The following PRKDC variants were observed in gnomAD, a reference collection of about 807,000 sequenced individuals.
PRKDC encodes DNA-dependent protein kinase catalytic subunit.
In PRKDC, 82 loss-of-function variants were observed where a neutral mutation model predicts 486.9. The observed-to-expected ratio is 0.17, with a 90% CI of 0.14 to 0.20. The LOEUF (loss-of-function observed/expected upper bound fraction) is 0.20, where lower values mean the gene tolerates loss of function less well. PRKDC is among the 10% of genes least tolerant of loss of function. PRKDC has a pLI of 1.00. For missense variants in PRKDC, 4,504 were observed against 5,038.2 expected (o/e 0.89, Z 3.21); for synonymous variants, 1,895 against 1,837.0 (o/e 1.03, Z -0.81).
At chr8:47,778,232 C>T (rs762926635) in intron 83 of PRKDC, among the ~76,000 whole-genome samples, 38 of 152,180 alleles carry the variant, frequency 2.5e-4, no homozygotes, top group Non-Finnish European at 4.3e-4. Context: ...GATCTGCGAA[C>T]ACATTTAATT....
chr8:47,796,761 G>A (rs1387647742), intron 73 of PRKDC, among the ~76,000 whole-genome samples: 2 of 148,508 alleles, frequency 1.3e-5, no homozygotes, highest in Non-Finnish European at 1.5e-5. Context: ...CACCACGCCC[G>A]GCTAATTTTT....
At chr8:47,777,029 T>G in intron 84 of PRKDC, 46 bp from the exon 85 acceptor site, 1 of 1,578,004 alleles carries the variant, frequency 6.3e-7, no homozygotes, top group Non-Finnish European at 8.6e-7. Flanking sequence ...TAATGGTATA[T>G]ACAATCATGC....
chr8:47,927,139 G>T (rs1489471577), intron 21 of PRKDC, 55 bp downstream of exon 21: 7 of 1,538,252 alleles, frequency 4.6e-6, no homozygotes, highest in Non-Finnish European at 6.2e-6. Context: ...ACCTATTATA[G>T]TTACTCCATT....
At chr8:47,863,321 ACT>A (rs1325275237) in intron 42 of PRKDC, 76 bp downstream of exon 42, 1 of 1,205,646 alleles carries the variant, frequency 8.3e-7, no homozygotes, top group East Asian at 2.5e-5. Flanking sequence ...ATTTATTCAC[ACT>A]ATATACATAC....
chr8:47,897,077 C>A, intron 30 of PRKDC, 84 bp downstream of exon 30: 2 of 1,367,836 alleles, frequency 1.5e-6, no homozygotes, highest in Non-Finnish European at 2.0e-6. Context: ...TGCAATGATA[C>A]CCAATTACTC....
At chr8:47,889,475 C>A (rs1164173525) in intron 32 of PRKDC, among the ~76,000 whole-genome samples, 1 of 152,248 alleles carries the variant, frequency 6.6e-6, no homozygotes, top group Admixed American at 6.5e-5. Flanking sequence ...TCCTATTTAG[C>A]TTTATCTACG....
rs1192107780 is a variant in PRKDC, at chr8:47,803,469, T to C, written c.9759A>G (p.Ser3253=). 1.5e-5 allele frequency: 24 copies of C among 1,613,824 alleles called. No homozygotes were observed. The highest frequency in any genetic ancestry group is 1.9e-5 in the Non-Finnish European group (23 of 1,179,792). Reference sequence around the variant, plus strand: ...GCTCCTTCAGTAGTTTCATAGCAAGTGAGAAATTGTTCTGTATGAATACAA... The same window carrying C: ...GCTCCTTCAGTAGTTTCATAGCAAGCGAGAAATTGTTCTGTATGAATACAA... ...IDSARKQNNF[S]LAMKLLKELH... The change falls in exon 70 of 86, where the codon TCA becomes TCG. Residue 3253 remains serine (S), a synonymous_variant. Transcript: ENST00000314191.
intron 76 of PRKDC, 62 bp from the exon 77 acceptor site, chr8:47,785,379 T>C (rs2086773788): frequency 3.2e-6 from 4 of 1,234,312 alleles, no homozygotes; most frequent in South Asian, 1.4e-5. Context: ...GAAAAGGCTC[T>C]AAGCTTATAA....
chr8:47,927,149 T>C (rs900384007), intron 21 of PRKDC, 45 bp downstream of exon 21: 4 of 1,574,394 alleles, frequency 2.5e-6, no homozygotes, highest in Non-Finnish European at 3.5e-6. Context: ...GTTACTCCAT[T>C]TCCATTTTAA....
intron 25 of PRKDC, 105 bp downstream of exon 25, chr8:47,912,305 T>C: frequency 3.9e-6 from 5 of 1,277,340 alleles, no homozygotes. Flanking sequence ...GGGAGCAGTA[T>C]CGTTCCTAAC....
chr8:47,956,070 A>C (rs1414077473), intron 3 of PRKDC, 122 bp from the exon 4 acceptor site: 1 of 746,770 alleles, frequency 1.3e-6, no homozygotes, highest in African/African-American at 1.8e-5. Flanking sequence ...GCTGTGGAAA[A>C]TATAACATTA....
In PRKDC at chr8:47,933,026, T is replaced by C; in HGVS notation, c.1770A>G (p.Glu590=). Residue 590 remains glutamate (E), a synonymous_variant, in exon 16 of 86, where the codon GAA becomes GAG. Coordinates refer to ENST00000314191, the MANE Select transcript of PRKDC (RefSeq NM_006904.7). Reference sequence around the variant, plus strand: ...ACTGATAAAAATTTCTAACCTCTTGTTCCCCAACAGTCTGTATTTCAAGTG... The same window carrying C: ...ACTGATAAAAATTTCTAACCTCTTGCTCCCCAACAGTCTGTATTTCAAGTG... ...DLTLEIQTVG[E]QENGDEAPGV... 1.3e-6 allele frequency: 2 copies of C among 1,587,232 alleles called. No homozygotes were observed. The highest frequency in any genetic ancestry group is 1.7e-6 in the Non-Finnish European group (2 of 1,170,922).
chr8:47,886,791 G>A (rs555000695), intron 35 of PRKDC, among the ~76,000 whole-genome samples: 8 of 152,088 alleles, frequency 5.3e-5, no homozygotes, highest in South Asian at 4.2e-4. Flanking sequence ...GGGCTCAAGC[G>A]ATCTTCCCAC....
chr8:47,904,747 C>T (rs1456690765), intron 26 of PRKDC, 122 bp downstream of exon 26: 8 of 685,476 alleles, frequency 1.2e-5, no homozygotes, highest in African/African-American at 1.8e-5. Context: ...GAGCCAAGAT[C>T]GTGCCACTGC....
intron 26 of PRKDC, among the ~76,000 whole-genome samples, chr8:47,904,197 A>C (rs925276749): frequency 1.3e-5 from 2 of 151,500 alleles, no homozygotes; most frequent in South Asian, 2.1e-4. Flanking sequence ...TGCTGTTTCC[A>C]GGGCCCTTTA....
In PRKDC at chr8:47,819,513, T is replaced by TAAAA. The variant is rs11311765; in HGVS notation, c.9337-7_9337-4dup. The TAAAA allele has an allele frequency of 2.0e-4, 110 of 551,686 alleles. No homozygotes were observed. Among genetic ancestry groups the TAAAA allele is most frequent in the South Asian group, 6.7e-4 (13 of 19,510 alleles). 34.2% of individuals were successfully genotyped at this position (551,686 alleles called of 1,614,324 possible). ...AGGACATCAATACTAGAATAATTCT[T>TAAAA]AAAAAAAAAAAAAAAAAAAAAGGGC... On this transcript the variant is annotated splice_region_variant and splice_polypyrimidine_tract_variant and intron_variant, in intron 66 of 85. Transcript: ENST00000314191.
intron 56 of PRKDC, among the ~76,000 whole-genome samples, chr8:47,838,239 C>T (rs2088069620): frequency 6.6e-6 from 1 of 152,134 alleles, no homozygotes; most frequent in Non-Finnish European, 1.5e-5. Context: ...AATCCAAATA[C>T]AATTTTAAGA....
chr8:47,805,689 T>G (rs1441891593), intron 69 of PRKDC, among the ~76,000 whole-genome samples: 1 of 152,202 alleles, frequency 6.6e-6, no homozygotes, highest in Non-Finnish European at 1.5e-5. Flanking sequence ...TCTTTTTAAA[T>G]CTACACCTCT....
intron 63 of PRKDC, among the ~76,000 whole-genome samples, chr8:47,826,291 C>T (rs1262961743): frequency 2.0e-5 from 3 of 152,170 alleles, no homozygotes; most frequent in Non-Finnish European, 4.4e-5. Flanking sequence ...GCTGAAAATA[C>T]TAAATCTTCC....
Sources: gnomAD v4.1 joint callset for allele counts (sites outside exome capture counted in the v4.1 genomes callset) on GRCh38, gnomAD v4.1.1 for gene constraint, MANE v1.5 for transcripts, NCBI Gene and HGNC (gene_info 2026-07-23, HGNC 2026-07-21) for gene names.